Variants in VPS13B observed in about 807,000 individuals in gnomAD.
The protein encoded by VPS13B is vacuolar protein sorting 13 homolog B.
In VPS13B, 285 loss-of-function variants were observed where a neutral mutation model predicts 426.4. That is an observed-to-expected ratio of 0.67 (90% CI 0.61 to 0.74). VPS13B has a LOEUF of 0.74. Among genes scored for constraint, VPS13B ranks in the 30% least tolerant of loss-of-function variants. The pLI is 0.00. For synonymous variants in VPS13B, 1,676 were observed against 1,676.4 expected (o/e 1.00, Z 0.01); for missense variants, 4,537 against 4,782.6 (o/e 0.95, Z 1.51).
intron 19 of VPS13B, among the ~76,000 whole-genome samples, chr8:99,380,051 T>C (rs1427256249): frequency 6.6e-6 from 1 of 152,124 alleles, no homozygotes; most frequent in East Asian, 1.9e-4. Context: ...TTCTCTTTCT[T>C]ACATAGTAAC....
intron 34 of VPS13B, among the ~76,000 whole-genome samples, chr8:99,651,812 A>G (rs1056676434): frequency 3.3e-5 from 5 of 152,154 alleles, no homozygotes; most frequent in African/African-American, 1.2e-4. Flanking sequence ...TTTTGAAGAA[A>G]TGGCTGTGCC....
chr8:99,369,276 G>A (rs1371805568), intron 19 of VPS13B, among the ~76,000 whole-genome samples: 2 of 152,198 alleles, frequency 1.3e-5, no homozygotes, highest in African/African-American at 4.8e-5. Flanking sequence ...ATGAAAGAAA[G>A]GGAGAGGGAA....
At chr8:99,768,642 C>A (rs1246623533) in intron 40 of VPS13B, among the ~76,000 whole-genome samples, 1 of 152,116 alleles carries the variant, frequency 6.6e-6, no homozygotes, top group East Asian at 1.9e-4. Context: ...TTTTATATTT[C>A]ATATATTCTA....
chr8:99,633,799 T>G (rs1227566786), intron 33 of VPS13B, among the ~76,000 whole-genome samples: 1 of 88,470 alleles, frequency 1.1e-5, no homozygotes, highest in African/African-American at 4.3e-5. Flanking sequence ...GTTGCCAGAA[T>G]GTGTCAGGTG....
intron 7 of VPS13B, among the ~76,000 whole-genome samples, chr8:99,117,399 G>T (rs6468667): frequency 0.98 from 148,717 of 152,286 alleles, 72,931 homozygotes; most frequent in Middle Eastern, 1. Flanking sequence ...TTCAAAACGT[G>T]AAACATAGAG....
Position 99,450,096 on chromosome 8 carries a change from C to A in VPS13B, c.3445+7461C>A, listed in dbSNP as rs557717263. On this transcript the variant is annotated intron_variant, in intron 23 of 61. Coordinates refer to ENST00000357162, the MANE Select transcript of VPS13B (RefSeq NM_152564.5). ...GGGATTACAGGCATAAGCCAACGTG[C>A]CCAGCAAGAATGATTTTAATGACAG... Among the ~76,000 whole-genome samples the A allele has an allele frequency of 2.0e-3, 302 of 152,184 alleles. 1 individual carries two copies. The highest frequency in any genetic ancestry group is 5.1e-4 in the Non-Finnish European group (35 of 68,026).
At chr8:99,071,748 T>C in intron 3 of VPS13B, among the ~76,000 whole-genome samples, 1 of 152,098 alleles carries the variant, frequency 6.6e-6, no homozygotes, top group East Asian at 1.9e-4. Context: ...ATCTGCTTGG[T>C]GTTCTGTTCT....
At chr8:99,092,253 A>G (rs894961095) in intron 3 of VPS13B, among the ~76,000 whole-genome samples, 1 of 152,182 alleles carries the variant, frequency 6.6e-6, no homozygotes, top group Non-Finnish European at 1.5e-5. Context: ...ATGAGGAGCA[A>G]ATGGCAGTAT....
chr8:99,453,424 T>C (rs1818296713), intron 23 of VPS13B, among the ~76,000 whole-genome samples: 1 of 152,218 alleles, frequency 6.6e-6, no homozygotes, highest in Non-Finnish European at 1.5e-5. Context: ...ATAAATTTGT[T>C]GGGAACAATC....
At chr8:99,624,008 T>TATATATATATATATATA (rs61596072) in intron 33 of VPS13B, among the ~76,000 whole-genome samples, 12 of 71,538 alleles carry the variant, frequency 1.7e-4, no homozygotes, top group African/African-American at 5.6e-4. Flanking sequence ...TATATATATA[T>TATATATATATATATATA]TTTTTTTTTT....
intron 8 of VPS13B, among the ~76,000 whole-genome samples, chr8:99,128,386 C>CAAAAAAAAA (rs71273165): frequency 2.9e-5 from 1 of 34,220 alleles, no homozygotes; most frequent in Non-Finnish European, 5.0e-5. Flanking sequence ...GATACTGTCC[C>CAAAAAAAAA]AAAAAAAAAA....
chr8:99,018,183 C>G (rs931190278), intron 2 of VPS13B, among the ~76,000 whole-genome samples: 1 of 151,980 alleles, frequency 6.6e-6, no homozygotes, highest in Non-Finnish European at 1.5e-5. Context: ...GTCAGGAGTT[C>G]GAGATCAGCC....
At chr8:99,400,977 G>T (rs1041123024) in intron 21 of VPS13B, among the ~76,000 whole-genome samples, 7 of 151,972 alleles carry the variant, frequency 4.6e-5, no homozygotes, top group Non-Finnish European at 8.8e-5. Flanking sequence ...CAGCCTGTAT[G>T]GTATTACTTT....
chr8:99,155,990 A>G (rs1433739816), intron 14 of VPS13B, among the ~76,000 whole-genome samples: 2 of 152,160 alleles, frequency 1.3e-5, no homozygotes, highest in African/African-American at 4.8e-5. Context: ...ATTCTGTAAA[A>G]CTGAGAATAC....
At position 99,661,398 on chromosome 8, in the gene VPS13B, T is replaced by G. The variant is rs2129763705; in HGVS notation, c.5953T>G (p.Trp1985Gly). 6.2e-7 allele frequency: 1 copy of G among 1,613,826 alleles called. No individual in the cohort carries two copies. The highest frequency in any genetic ancestry group is 8.5e-7 in the Non-Finnish European group (1 of 1,179,846). The change falls in exon 35 of 62, where the codon TGG (tryptophan) becomes GGG (glycine). Residue 1985 changes from tryptophan (W) to glycine (G), a missense_variant. Transcript: ENST00000357162. Reference sequence around the variant, plus strand: ...TGAAGCCCTTGATTATTGCACTGTTTGGCTACAGACAGTGCCTGGAGAAAT... The same window carrying G: ...TGAAGCCCTTGATTATTGCACTGTTGGGCTACAGACAGTGCCTGGAGAAAT... ...LPEALDYCTV[W>G]LQTVPGEIDS...
intron 8 of VPS13B, among the ~76,000 whole-genome samples, chr8:99,129,624 A>G (rs1809648138): frequency 6.6e-6 from 1 of 151,522 alleles, no homozygotes; most frequent in Non-Finnish European, 1.5e-5. Context: ...AAAAAGATAT[A>G]TTGTCAGTTT....
At chr8:99,791,191 G>T (rs914398283) in intron 43 of VPS13B, among the ~76,000 whole-genome samples, 2 of 152,154 alleles carry the variant, frequency 1.3e-5, no homozygotes, top group African/African-American at 4.8e-5. Flanking sequence ...AATTGCAGAA[G>T]AGATATGTGC....
At chr8:99,433,119 C>G (rs1817201046) in intron 22 of VPS13B, among the ~76,000 whole-genome samples, 1 of 152,210 alleles carries the variant, frequency 6.6e-6, no homozygotes, top group Non-Finnish European at 1.5e-5. Flanking sequence ...TTTTCTTTCT[C>G]TATTCCATCT....
At chr8:99,580,784 C>G (rs914017787) in intron 33 of VPS13B, among the ~76,000 whole-genome samples, 16 of 151,678 alleles carry the variant, frequency 1.1e-4, no homozygotes, top group Non-Finnish European at 2.4e-4. Context: ...CCCCAGAGGT[C>G]AAGGCTGAAG....
Sources: allele counts gnomAD v4.1 joint callset (sites outside exome capture counted in the v4.1 genomes callset), GRCh38; gene constraint gnomAD v4.1.1; transcripts MANE v1.5; gene names NCBI Gene and HGNC (gene_info 2026-07-23, HGNC 2026-07-21).